ZNF33B: variants seen among roughly 807,000 people sequenced by gnomAD.
ZNF33B encodes the protein zinc finger protein 11b (KOX 2).
A neutral mutation model predicts 45.8 loss-of-function variants in ZNF33B; 29 were observed. The ratio of observed to expected loss-of-function variants is 0.63; its 90% CI spans 0.47 to 0.86. The LOEUF is 0.86. Among genes scored for constraint, ZNF33B ranks in the 40% least tolerant of loss-of-function variants. The pLI is 0.00. For missense variants in ZNF33B, 831 were observed against 909.9 expected, an observed-to-expected ratio of 0.91 and a Z score of 1.12; for synonymous variants, 305 against 307.8, an observed-to-expected ratio of 0.99 and a Z score of 0.10.
chr10:42,596,606 AG>A (rs1211476831), intron 4 of ZNF33B, among the ~76,000 whole-genome samples: 2 of 152,106 alleles, frequency 1.3e-5, no homozygotes, highest in African/African-American at 4.8e-5. Flanking sequence ...CCACTTGTTT[AG>A]GTCTTCAATT....
chr10:42,624,118 G>A (rs980539085), intron 4 of ZNF33B, among the ~76,000 whole-genome samples: 1 of 152,090 alleles, frequency 6.6e-6, no homozygotes, highest in African/African-American at 2.4e-5. Context: ...TTTCCTCTAC[G>A]CACATGGAGA....
intron 4 of ZNF33B, among the ~76,000 whole-genome samples, chr10:42,606,155 A>G (rs997179641): frequency 1.9e-4 from 29 of 151,490 alleles, no homozygotes; most frequent in African/African-American, 7.0e-4. Flanking sequence ...AAAAAAAAAA[A>G]GAATAAAGCA....
intron 4 of ZNF33B, among the ~76,000 whole-genome samples, chr10:42,625,960 T>C (rs1462459559): frequency 2.0e-5 from 3 of 152,272 alleles, no homozygotes; most frequent in Non-Finnish European, 4.4e-5. Flanking sequence ...CCTTGCCTTG[T>C]TCCCAGTTTT....
At chr10:42,603,960 G>C (rs1174680789) in intron 4 of ZNF33B, among the ~76,000 whole-genome samples, 4 of 152,200 alleles carry the variant, frequency 2.6e-5, no homozygotes, top group Non-Finnish European at 5.9e-5. Context: ...AAGCCCTAGA[G>C]AGAATAGAGG....
rs1273861808 is a variant in ZNF33B, at chr10:42,589,349, C to T, written c.*3264G>A. ...AGTCCAGAGTTGACACTAGGGTTTA[C>T]TCTGTGTTTTCCGTTCACTGTTTTC... is the stretch of plus-strand genomic sequence containing the variant. On this transcript the variant is annotated 3_prime_UTR_variant, in exon 5 of 5. Transcript: ENST00000359467. 6.6e-6 allele frequency: 1 copy of T among 152,076 alleles called. No homozygotes were observed. The highest frequency in any genetic ancestry group is 1.5e-5 in the Non-Finnish European group (1 of 68,046). 9.4% of individuals were successfully genotyped at this position (152,076 alleles called of 1,614,324 possible).
chr10:42,622,164 A>G (rs1460763977), intron 4 of ZNF33B, among the ~76,000 whole-genome samples: 1 of 152,216 alleles, frequency 6.6e-6, no homozygotes, highest in African/African-American at 2.4e-5. Context: ...AAAACTACAA[A>G]ATACTGATGA....
chr10:42,588,663 T>G (rs1195987914), downstream of ZNF33B, among the ~76,000 whole-genome samples: 2 of 152,146 alleles, frequency 1.3e-5, no homozygotes, highest in African/African-American at 2.4e-5. Flanking sequence ...AGGGTTCCAC[T>G]TGGGAGCAAA....
chr10:42,596,824 A>G (rs981687559), intron 4 of ZNF33B, among the ~76,000 whole-genome samples: 2 of 151,758 alleles, frequency 1.3e-5, no homozygotes, highest in African/African-American at 4.8e-5. Flanking sequence ...TCTTTTTCCC[A>G]TATCTTGGGA....
At chr10:42,620,075 G>C (rs1320144276) in intron 4 of ZNF33B, among the ~76,000 whole-genome samples, 1 of 152,002 alleles carries the variant, frequency 6.6e-6, no homozygotes, top group Admixed American at 6.6e-5. Flanking sequence ...AATTAGCTGG[G>C]TGTGGTGGCA....
chr10:42,592,387 C>A lies in ZNF33B; in HGVS notation c.*226G>T. ...CAAAAAAATCTGTGAGGTTTTATGCCAGTATTAACCATCTGATATTCAACA... is the reference window on the plus strand; with the variant it reads ...CAAAAAAATCTGTGAGGTTTTATGCAAGTATTAACCATCTGATATTCAACA... On this transcript the variant is annotated 3_prime_UTR_variant, in exon 5 of 5. Coordinates refer to ENST00000359467, the MANE Select transcript of ZNF33B (RefSeq NM_006955.3). The A allele has an allele frequency of 1.5e-6, 1 of 650,806 alleles. No individual in the cohort carries two copies. The highest frequency in any genetic ancestry group is 2.3e-6 in the Non-Finnish European group (1 of 436,044). 40.3% of individuals were successfully genotyped at this position (650,806 alleles called of 1,614,324 possible). A position where few individuals can be genotyped will look rare whatever the true frequency, so the allele number is the denominator to read the frequency against.
chr10:42,598,861 GTC>G (rs1294562703), intron 4 of ZNF33B, among the ~76,000 whole-genome samples: 2 of 152,262 alleles, frequency 1.3e-5, no homozygotes, highest in Non-Finnish European at 2.9e-5. Flanking sequence ...TCCTTGCAAT[GTC>G]TCTGTCTGGT....
At chr10:42,631,217 T>A (rs1839038156) in intron 4 of ZNF33B, among the ~76,000 whole-genome samples, 1 of 152,166 alleles carries the variant, frequency 6.6e-6, no homozygotes, top group Non-Finnish European at 1.5e-5. Context: ...TTTATTTACT[T>A]ATTTTTGAGA....
chr10:42,579,264 T>C (rs1836790374), intron 1 of ZNF33B, among the ~76,000 whole-genome samples: 1 of 152,226 alleles, frequency 6.6e-6, no homozygotes, highest in Non-Finnish European at 1.5e-5. Context: ...TATGTGGGTA[T>C]ACTGTGTGAT....
intron 1 of ZNF33B, among the ~76,000 whole-genome samples, chr10:42,575,257 G>A (rs1343750538): frequency 3.3e-5 from 5 of 152,254 alleles, no homozygotes; most frequent in Middle Eastern, 6.8e-3. Context: ...AATGTGGCGC[G>A]TGGAGGTGGT....
intron 1 of ZNF33B, among the ~76,000 whole-genome samples, chr10:42,637,918 G>A (rs1839399273): frequency 6.6e-6 from 1 of 152,202 alleles, no homozygotes; most frequent in South Asian, 2.1e-4. Context: ...CTCCCAAAGT[G>A]CAGGATTACA....
intron 2 of ZNF33B, among the ~76,000 whole-genome samples, chr10:42,633,601 A>G (rs1839151995): frequency 6.6e-6 from 1 of 152,240 alleles, no homozygotes; most frequent in African/African-American, 2.4e-5. Flanking sequence ...TAGGGCCACA[A>G]TGTAAACCAG....
At chr10:42,638,299 C>T (rs1358948223) in intron 1 of ZNF33B, among the ~76,000 whole-genome samples, 175 bp downstream of exon 1, 7 of 152,272 alleles carry the variant, frequency 4.6e-5, no homozygotes, top group African/African-American at 1.4e-4. Context: ...ACAGAGGCTG[C>T]GCCTTAGAGG....
At chr10:42,612,361 AGAG>A (rs1161089121) in intron 4 of ZNF33B, among the ~76,000 whole-genome samples, 1 of 150,400 alleles carries the variant, frequency 6.6e-6, no homozygotes, top group Non-Finnish European at 1.5e-5. Flanking sequence ...CTCAGCCTTC[AGAG>A]GAGCTGGGAA....
intron 4 of ZNF33B, among the ~76,000 whole-genome samples, chr10:42,625,343 TG>T (rs1180784124): frequency 6.6e-6 from 1 of 151,526 alleles, no homozygotes; most frequent in East Asian, 2.0e-4. Context: ...ATGGAATAAG[TG>T]GTATTATGTT....
Sources: gnomAD v4.1 joint callset for allele counts (sites outside exome capture counted in the v4.1 genomes callset) on GRCh38, gnomAD v4.1.1 for gene constraint, MANE v1.5 for transcripts, NCBI Gene and HGNC (gene_info 2026-07-23, HGNC 2026-07-21) for gene names.